Variants in AGFG1 observed in about 807,000 individuals in gnomAD.
AGFG1 encodes arf-GAP domain and FG repeat-containing protein 1.
A neutral mutation model predicts 60.6 loss-of-function variants in AGFG1; 10 were observed. That is an observed-to-expected ratio of 0.16 (90% CI 0.10 to 0.28). AGFG1 has a LOEUF of 0.28. AGFG1 is among the 10% of genes least tolerant of loss of function. AGFG1 has a pLI of 1.00. For missense variants in AGFG1, 537 were observed against 676.5 expected (o/e 0.79, Z 2.29); for synonymous variants, 247 against 242.9 (o/e 1.02, Z -0.16).
chr2:227,561,005 A>G lies in AGFG1; in HGVS notation c.*6510A>G, dbSNP rs1559209611. On this transcript the variant is annotated 3_prime_UTR_variant, in exon 13 of 13. Transcript: ENST00000310078. ...AACAGGACCTTCTAGTCAGCAGGGC[A>G]TGTTTGGAAAATGTTAATACGCCAT... is the stretch of plus-strand genomic sequence containing the variant. The G allele has an allele frequency of 6.6e-6, 1 of 152,194 alleles. No individual in the cohort carries two copies. The highest frequency in any genetic ancestry group is 1.5e-5 in the Non-Finnish European group (1 of 68,010). The allele number at this position is 152,194 out of a possible 1,614,324, so 9.4% of individuals were successfully genotyped here. A position where few individuals can be genotyped will look rare whatever the true frequency, so the allele number is the denominator to read the frequency against.
chr2:227,552,196 A>G, intron 11 of AGFG1, 79 bp downstream of exon 11: 2 of 1,526,988 alleles, frequency 1.3e-6, no homozygotes, highest in Non-Finnish European at 1.8e-6. Flanking sequence ...CTTGGGCAGG[A>G]AGACTTTTCT....
chr2:227,477,212 T>G (rs1196311065), intron 1 of AGFG1, among the ~76,000 whole-genome samples: 1 of 152,198 alleles, frequency 6.6e-6, no homozygotes, highest in Non-Finnish European at 1.5e-5. Context: ...AGATACTTTT[T>G]CAATTGTGAA....
chr2:227,527,995 G>A (rs758686789), intron 5 of AGFG1, among the ~76,000 whole-genome samples: 10 of 151,934 alleles, frequency 6.6e-5, no homozygotes, highest in Middle Eastern at 3.4e-3. Context: ...ATGGTTTTTC[G>A]TTTTCTTTCA....
At position 227,556,434 on chromosome 2, in the gene AGFG1, A is replaced by G. The variant is rs903426203; in HGVS notation, c.*1939A>G. 6.6e-6 allele frequency: 1 copy of G among 152,610 alleles called. No homozygotes were observed. Among genetic ancestry groups the G allele is most frequent in the African/African-American group, 2.4e-5 (1 of 41,456 alleles). The allele number at this position is 152,610 out of a possible 1,614,324, so 9.5% of individuals were successfully genotyped here. ...TGCCTCTTCTTTTAGAATTAAATGA[A>G]TGCTGCACAGGTCCAGATGTGTGTT... On this transcript the variant is annotated 3_prime_UTR_variant, in exon 13 of 13. Transcript: ENST00000310078.
At chr2:227,501,308 T>G (rs1156395118) in intron 2 of AGFG1, among the ~76,000 whole-genome samples, 2 of 152,226 alleles carry the variant, frequency 1.3e-5, no homozygotes, top group African/African-American at 4.8e-5. Context: ...CTTGAACTCC[T>G]GACCTCAGGT....
chr2:227,475,827 G>A (rs1311368008), intron 1 of AGFG1, among the ~76,000 whole-genome samples: 1 of 152,122 alleles, frequency 6.6e-6, no homozygotes, highest in Admixed American at 6.5e-5. Flanking sequence ...AGCACATACC[G>A]TATTTGAGGA....
chr2:227,550,113 G>A, intron 10 of AGFG1: 2 of 440,658 alleles, frequency 4.5e-6, no homozygotes, highest in South Asian at 3.3e-5. Flanking sequence ...TTTGGTAGGT[G>A]GCCACAATTA....
chr2:227,554,706 G>A lies in AGFG1; in HGVS notation c.*211G>A. ...ACCTGTGAATTGGCAGAAAAGGGTAGCGGTATCATGTATATTAAAATTGGC... is the reference window on the plus strand; with the variant it reads ...ACCTGTGAATTGGCAGAAAAGGGTAACGGTATCATGTATATTAAAATTGGC... On this transcript the variant is annotated 3_prime_UTR_variant, in exon 13 of 13. Transcript: ENST00000310078. 3 of 458,660 alleles carry A rather than the reference G, an allele frequency of 6.5e-6. No homozygotes were observed. Among genetic ancestry groups the A allele is most frequent in the Admixed American group, 3.9e-5 (1 of 25,952 alleles). 28.4% of individuals were successfully genotyped at this position (458,660 alleles called of 1,614,324 possible). A position where few individuals can be genotyped will look rare whatever the true frequency, so the allele number is the denominator to read the frequency against.
chr2:227,489,223 G>GTTTTTTTTTT (rs55762248), intron 1 of AGFG1, among the ~76,000 whole-genome samples: 1 of 74,782 alleles, frequency 1.3e-5, no homozygotes. Flanking sequence ...AGTTTTGAGA[G>GTTTTTTTTTT]TTTTTTTTTT....
chr2:227,478,856 C>G (rs1690369447), intron 1 of AGFG1, among the ~76,000 whole-genome samples: 1 of 152,076 alleles, frequency 6.6e-6, no homozygotes, highest in Non-Finnish European at 1.5e-5. Flanking sequence ...AGTTCTTTTC[C>G]ATGGTCAAAT....
intron 5 of AGFG1, among the ~76,000 whole-genome samples, chr2:227,530,341 T>C (rs969177421): frequency 1.3e-5 from 2 of 152,182 alleles, no homozygotes; most frequent in African/African-American, 4.8e-5. Flanking sequence ...GCAGCACTTA[T>C]AATCGATTGT....
chr2:227,524,719 A>G (rs1215530400), intron 4 of AGFG1, 43 bp from the exon 5 acceptor site: 2 of 1,601,028 alleles, frequency 1.2e-6, no homozygotes, highest in African/African-American at 2.7e-5. Flanking sequence ...AAGATTTTGC[A>G]GATCCGACTG....
intron 2 of AGFG1, among the ~76,000 whole-genome samples, chr2:227,497,761 T>TTTTTGG (rs546987888): frequency 6.1e-5 from 4 of 65,158 alleles, no homozygotes; most frequent in Non-Finnish European, 1.3e-4. Context: ...TTTTTTTTTT[T>TTTTTGG]GGGGACGGAG....
intron 5 of AGFG1, among the ~76,000 whole-genome samples, 179 bp downstream of exon 5, chr2:227,525,094 G>A (rs1691952212): frequency 6.6e-6 from 1 of 151,928 alleles, no homozygotes. Flanking sequence ...TCACAGAAGA[G>A]ATTATATTTA....
chr2:227,544,146 C>A (rs13004529), intron 10 of AGFG1, among the ~76,000 whole-genome samples: 2 of 75,756 alleles, frequency 2.6e-5, no homozygotes, highest in Admixed American at 1.9e-4. Context: ...CATTCTGTGT[C>A]TTTTTTTTTT....
At position 227,531,194 on chromosome 2, in the gene AGFG1, T is replaced by G; in HGVS notation, c.798T>G (p.Phe266Leu). Residue 266 changes from phenylalanine (F) to leucine (L), a missense_variant, in exon 6 of 13, where the codon TTT (phenylalanine) becomes TTG (leucine). Phe to Leu is a conservative substitution (Grantham distance 22). Around this residue, in one of 4 missense-constraint regions of AGFG1, gnomAD observed 287 missense variants for 343.6 expected, o/e 0.84. Transcript: ENST00000310078. ...TCCCCACAGCAAGTCACTCTCCTTT[T>G]CAGCCCCAAACTACAGGTAGAGCTT... ...GGFPTASHSP[F>L]QPQTTGGSAA... is the part of the protein sequence containing the mutation. 1 of 1,613,706 alleles carries G rather than the reference T, an allele frequency of 6.2e-7. No homozygotes were observed. Among genetic ancestry groups the G allele is most frequent in the Non-Finnish European group, 8.5e-7 (1 of 1,179,780 alleles).
chr2:227,523,472 G>A (rs1031323735), intron 3 of AGFG1, among the ~76,000 whole-genome samples: 11 of 152,050 alleles, frequency 7.2e-5, no homozygotes, highest in African/African-American at 2.4e-4. Flanking sequence ...TTTAAAAAAA[G>A]CAGTTATTTC....
intron 6 of AGFG1, among the ~76,000 whole-genome samples, chr2:227,532,700 ACT>A (rs1692198023): frequency 2.0e-5 from 3 of 152,146 alleles, no homozygotes; most frequent in Admixed American, 1.3e-4. Context: ...GTGTATATAT[ACT>A]GTTTTGATTT....
rs749817774 is a variant in AGFG1, at chr2:227,537,029, G to A, written c.1378+36G>A. ...GAGACAGTGGAACAGTAAGTTTTGG[G>A]GAAGACATTTATCAACAAAGACACC... On this transcript the variant is annotated intron_variant, in intron 10 of 12. Transcript: ENST00000310078. 6.4e-6 allele frequency: 10 copies of A among 1,566,530 alleles called. No individual in the cohort carries two copies. In the South Asian group the frequency reaches 1.1e-4, roughly 18 times the overall value.
Sources: allele counts gnomAD v4.1 joint callset (sites outside exome capture counted in the v4.1 genomes callset), GRCh38; gene constraint gnomAD v4.1.1; regional missense constraint gnomAD v4.1.1; transcripts MANE v1.5; gene names NCBI Gene and HGNC (gene_info 2026-07-23, HGNC 2026-07-21).